Variants in CCDC88B observed in about 807,000 individuals in gnomAD.
CCDC88B encodes coiled-coil domain-containing protein 88B.
Under a neutral mutation model 183.7 loss-of-function variants are expected in CCDC88B, and 138 were observed. That is an observed-to-expected ratio of 0.75 (90% CI 0.65 to 0.87). The LOEUF is 0.87. Ranked by LOEUF, CCDC88B falls within the 40% of genes least tolerant of loss-of-function variation. CCDC88B has a pLI of 0.00. For missense variants in CCDC88B, 1,822 were observed against 1,965.6 expected, an observed-to-expected ratio of 0.93 and a Z score of 1.38; for synonymous variants, 835 against 867.5, an observed-to-expected ratio of 0.96 and a Z score of 0.66.
At chr11:64,351,432 G>T in intron 17 of CCDC88B, 44 bp from the exon 18 acceptor site, 1 of 1,557,318 alleles carries the variant, frequency 6.4e-7, no homozygotes, top group African/African-American at 1.4e-5. Flanking sequence ...GCACTAGGGG[G>T]TGCCCCCGCC....
chr11:64,355,465 G>A, intron 25 of CCDC88B, 65 bp downstream of exon 25: 2 of 1,584,190 alleles, frequency 1.3e-6, no homozygotes, highest in South Asian at 1.1e-5. Context: ...CAGCTCCTTG[G>A]GGGAGGAGGC....
intron 3 of CCDC88B, 22 bp downstream of exon 3, chr11:64,341,040 G>A: frequency 6.2e-7 from 1 of 1,613,320 alleles, no homozygotes; most frequent in Non-Finnish European, 8.5e-7. Context: ...CGAGGGAAAG[G>A]CGGAGACAGG....
intron 11 of CCDC88B, 59 bp from the exon 12 acceptor site, chr11:64,343,448 C>T: frequency 6.5e-7 from 1 of 1,545,764 alleles, no homozygotes; most frequent in African/African-American, 1.4e-5. Flanking sequence ...ACCCTCCGAC[C>T]TACACACTCG....
chr11:64,349,090 C>A (rs75470543), intron 14 of CCDC88B: 1 of 717,324 alleles, frequency 1.4e-6, no homozygotes, highest in South Asian at 1.5e-5. Flanking sequence ...CCTACCGACT[C>A]CCAGCCCAGG....
Position 64,355,225 on chromosome 11 carries a change from C to A in CCDC88B, c.4131C>A (p.Ala1377=). The A allele has an allele frequency of 6.6e-7, 1 of 1,512,400 alleles. No homozygotes were observed. Among genetic ancestry groups the A allele is most frequent in the Non-Finnish European group, 8.8e-7 (1 of 1,133,276 alleles). 93.7% of individuals were successfully genotyped at this position (1,512,400 alleles called of 1,614,324 possible). A position where few individuals can be genotyped will look rare whatever the true frequency, so the allele number is the denominator to read the frequency against. Residue 1377 remains alanine (A), a synonymous_variant, in exon 25 of 27, where the codon GCC becomes GCA. Transcript: ENST00000356786. ...GSPSPAPMRR[A]QSSLCLRDET... The stretch of plus-strand genomic sequence containing the variant: ...CTTCCCCGGCACCCATGCGCCGGGC[C>A]CAGAGCTCCCTCTGCCTGCGGGATG...
At chr11:64,341,216 G>A (rs1364619988) in intron 4 of CCDC88B, 38 bp downstream of exon 4, 1 of 1,613,564 alleles carries the variant, frequency 6.2e-7, no homozygotes, top group Middle Eastern at 1.7e-4. Flanking sequence ...CTCTGCCCCC[G>A]CACTACTCTA....
chr11:64,340,825 T>G (rs1182152993), intron 2 of CCDC88B, 73 bp downstream of exon 2: 10 of 1,546,644 alleles, frequency 6.5e-6, no homozygotes, highest in South Asian at 6.1e-5. Flanking sequence ...CGGAGCCTGA[T>G]GCTCAGTGGG....
intron 24 of CCDC88B, 59 bp from the exon 25 acceptor site, chr11:64,355,135 A>G (rs1470192003): frequency 1.4e-5 from 16 of 1,132,648 alleles, no homozygotes; most frequent in East Asian, 1.4e-4. Flanking sequence ...CCTCCTCCCT[A>G]CAGGAGCCTC....
rs1348711915 is a variant in CCDC88B, at chr11:64,343,277, C to A, written c.1161C>A (p.Thr387=). 1.3e-6 allele frequency: 2 copies of A among 1,549,690 alleles called. No homozygotes were observed. The highest frequency in any genetic ancestry group is 2.0e-5 in the Admixed American group (1 of 50,966). Reference sequence around the variant, plus strand: ...AGCGCTGCGCCCGGCTGCACGAGACCCAGCGCGAGAACCTGCTGCTGCGAA... The same window carrying A: ...AGCGCTGCGCCCGGCTGCACGAGACACAGCGCGAGAACCTGCTGCTGCGAA... ...ARERCARLHE[T]QRENLLLRTR... The change falls in exon 11 of 27, where the codon ACC becomes ACA. Residue 387 remains threonine, a synonymous_variant. Transcript: ENST00000356786.
intron 24 of CCDC88B, among the ~76,000 whole-genome samples, chr11:64,354,691 G>GCA (rs2036475336): frequency 7.0e-5 from 1 of 14,328 alleles, no homozygotes; most frequent in South Asian, 2.5e-3. Flanking sequence ...ATGAGCCTCC[G>GCA]CCCCCCCCCT....
intron 18 of CCDC88B, among the ~76,000 whole-genome samples, 187 bp from the exon 19 acceptor site, chr11:64,351,943 C>T (rs1479948540): frequency 6.6e-6 from 1 of 152,190 alleles, no homozygotes; most frequent in Non-Finnish European, 1.5e-5. Flanking sequence ...CCTCTGCCGC[C>T]TCTCCCCTGC....
chr11:64,340,379 G>C (rs1800446750), intron 1 of CCDC88B, 53 bp downstream of exon 1: 1 of 1,285,358 alleles, frequency 7.8e-7, no homozygotes, highest in Non-Finnish European at 1.0e-6. Flanking sequence ...CCCAGCCAGG[G>C]GCTGGTGTTG....
Position 64,340,334 on chromosome 11 carries a change from G to A in CCDC88B, c.60+8G>A. On this transcript the variant is annotated splice_region_variant and intron_variant, in intron 1 of 26. Coordinates refer to ENST00000356786, the MANE Select transcript of CCDC88B (RefSeq NM_032251.6). Reference sequence around the variant, plus strand: ...GGGAGTCTGGCTACCTGGGTGAGGGGGCAGGTGGCAGCGGGTTGGGGAGGG... The same window carrying A: ...GGGAGTCTGGCTACCTGGGTGAGGGAGCAGGTGGCAGCGGGTTGGGGAGGG... 1.5e-6 allele frequency: 2 copies of A among 1,298,926 alleles called. 1 individual carries two copies. Among genetic ancestry groups the A allele is most frequent in the South Asian group, 5.1e-5 (2 of 38,900 alleles). The allele number at this position is 1,298,926 out of a possible 1,614,324, so 80.5% of individuals were successfully genotyped here.
Position 64,343,780 on chromosome 11 carries a change from C to A in CCDC88B, c.1321C>A (p.Pro441Thr). Residue 441 changes from proline (P) to threonine (T), a missense_variant and splice_region_variant, in exon 13 of 27, where the codon CCC becomes ACC. By Grantham distance (38) the Pro-to-Thr change is conservative. Coordinates refer to ENST00000356786, the MANE Select transcript of CCDC88B (RefSeq NM_032251.6). ...EPPPGSPGEA[P>T]LAGAAPSLQD... ...CTGACCTCATCTCTCATCCTCAGCA[C>A]CCCTAGCAGGAGCGGCCCCCTCGCT... is the stretch of plus-strand genomic sequence containing the variant. The A allele has an allele frequency of 6.4e-7, 1 of 1,570,196 alleles. No homozygotes were observed. Among genetic ancestry groups the A allele is most frequent in the Non-Finnish European group, 8.6e-7 (1 of 1,157,322 alleles).
chr11:64,340,828 T>A (rs1270350707), intron 2 of CCDC88B, 76 bp downstream of exon 2: 10 of 1,544,162 alleles, frequency 6.5e-6, no homozygotes, highest in South Asian at 6.2e-5. Flanking sequence ...AGCCTGATGC[T>A]CAGTGGGCGG....
At chr11:64,342,881 G>C (rs1462144836) in intron 10 of CCDC88B, 4 of 510,216 alleles carry the variant, frequency 7.8e-6, no homozygotes, top group African/African-American at 2.1e-5. Context: ...GGGAGTGGGG[G>C]GGCTGTGTAA....
At chr11:64,343,109 GT>G in intron 10 of CCDC88B, 69 bp from the exon 11 acceptor site, 1 of 1,453,596 alleles carries the variant, frequency 6.9e-7, no homozygotes. Context: ...AGGGGAAGGA[GT>G]TTGGGACCCT....
Position 64,343,232 on chromosome 11 carries a change from G to A in CCDC88B, c.1116G>A (p.Glu372=), listed in dbSNP as rs1318163447. The A allele has an allele frequency of 4.5e-6, 7 of 1,546,560 alleles. No individual in the cohort carries two copies. In the Admixed American group the frequency reaches 9.8e-5, roughly 22 times the overall value. ...VLEASKALLE[E]QLEAARERCA... is the part of the protein sequence containing the mutation. ...AGGCGTCCAAGGCGCTGCTGGAAGA[G>A]CAGCTGGAGGCTGCCCGAGAGCGCT... The change falls in exon 11 of 27, where the codon GAG becomes GAA. Residue 372 remains glutamate (E), a synonymous_variant. Transcript: ENST00000356786.
In CCDC88B at chr11:64,341,428, A is replaced by G. The variant is rs781610595; in HGVS notation, c.455A>G (p.His152Arg). ...CTTCCTGTCTCCCCTCAGTGTGAGC[A>G]CCGGGAACTCTTCATCCGCCACATC... ...LLLGASVQCE[H>R]RELFIRHIQG... Residue 152 changes from histidine to arginine, a missense_variant, in exon 6 of 27, where the codon CAC (histidine) becomes CGC (arginine). Transcript: ENST00000356786. 2 of 1,613,900 alleles carry G rather than the reference A, an allele frequency of 1.2e-6. No individual in the cohort carries two copies. Among genetic ancestry groups the G allele is most frequent in the East Asian group, 4.5e-5 (2 of 44,854 alleles).
Sources: gnomAD v4.1 joint callset for allele counts (sites outside exome capture counted in the v4.1 genomes callset) on GRCh38, gnomAD v4.1.1 for gene constraint, MANE v1.5 for transcripts, NCBI Gene and HGNC (gene_info 2026-07-23, HGNC 2026-07-21) for gene names.